SETBP1: variants seen among roughly 807,000 people sequenced by gnomAD.
The protein encoded by SETBP1 is SET-binding protein.
Under a neutral mutation model 101.0 loss-of-function variants are expected in SETBP1, and 9 were observed. The ratio of observed to expected loss-of-function variants is 0.09; its 90% CI spans 0.05 to 0.16. The LOEUF (loss-of-function observed/expected upper bound fraction) is 0.16, where lower values mean the gene tolerates loss of function less well. Ranked by LOEUF, SETBP1 falls within the 10% of genes least tolerant of loss-of-function variation. The pLI is 1.00. For missense variants in SETBP1, 1,858 were observed against 2,033.8 expected (o/e 0.91, Z 1.66); for synonymous variants, 818 against 788.5 (o/e 1.04, Z -0.63).
At chr18:45,024,037 A>G (rs1297544124) in intron 4 of SETBP1, among the ~76,000 whole-genome samples, 1 of 152,204 alleles carries the variant, frequency 6.6e-6, no homozygotes, top group East Asian at 1.9e-4. Context: ...TATAAGTGGC[A>G]TATTTCCCAA....
intron 4 of SETBP1, among the ~76,000 whole-genome samples, chr18:45,002,085 T>G (rs146690772): frequency 1.1e-4 from 16 of 152,128 alleles, no homozygotes; most frequent in African/African-American, 3.6e-4. Context: ...GATCTCTCTT[T>G]GAAAAAAACA....
chr18:44,961,612 A>G (rs532900316), intron 4 of SETBP1, among the ~76,000 whole-genome samples: 9 of 152,306 alleles, frequency 5.9e-5, no homozygotes, highest in African/African-American at 2.2e-4. Flanking sequence ...AGGAGCAGAA[A>G]CACAATGCCA....
intron 4 of SETBP1, among the ~76,000 whole-genome samples, chr18:44,976,574 C>G (rs993238884): frequency 6.6e-6 from 1 of 152,160 alleles, no homozygotes; most frequent in Admixed American, 6.5e-5. Context: ...GACCCAGGTA[C>G]ATGTCCTCAG....
chr18:44,876,590 T>C, intron 3 of SETBP1: 1 of 1,551,154 alleles, frequency 6.4e-7, no homozygotes, highest in Admixed American at 2.0e-5. Context: ...AAGGAGGAAG[T>C]CTGGAAGAGA....
At chr18:44,731,903 A>C (rs2069845654) in intron 2 of SETBP1, among the ~76,000 whole-genome samples, 1 of 152,224 alleles carries the variant, frequency 6.6e-6, no homozygotes, top group African/African-American at 2.4e-5. Flanking sequence ...AAGAAGCATC[A>C]TAGTAATTCT....
chr18:44,683,440 C>T (rs927851779), intron 1 of SETBP1, among the ~76,000 whole-genome samples: 24 of 152,124 alleles, frequency 1.6e-4, no homozygotes, highest in African/African-American at 5.3e-4. Flanking sequence ...CAGGATTTTG[C>T]TGAAGAAGAA....
intron 2 of SETBP1, among the ~76,000 whole-genome samples, chr18:44,814,912 G>A (rs1162700981): frequency 6.6e-6 from 1 of 152,174 alleles, no homozygotes; most frequent in Admixed American, 6.5e-5. Context: ...TGGAATTTGG[G>A]GTCCTTGAAT....
intron 2 of SETBP1, among the ~76,000 whole-genome samples, chr18:44,719,610 C>T (rs557132111): frequency 1.3e-5 from 2 of 152,330 alleles, no homozygotes; most frequent in South Asian, 4.1e-4. Context: ...AGGGGCTGCT[C>T]CAGTCTGGCC....
intron 2 of SETBP1, among the ~76,000 whole-genome samples, chr18:44,703,462 G>A (rs374060070): frequency 1.4e-5 from 2 of 138,216 alleles, no homozygotes; most frequent in Non-Finnish European, 3.0e-5. Context: ...CAGGGCTTGT[G>A]TCCATCCTTA....
At chr18:44,802,444 CA>C (rs1486249479) in intron 2 of SETBP1, among the ~76,000 whole-genome samples, 1 of 152,168 alleles carries the variant, frequency 6.6e-6, no homozygotes, top group Non-Finnish European at 1.5e-5. Flanking sequence ...GAATAAGCGA[CA>C]ACTTTGCTTA....
chr18:44,768,609 C>T (rs1046580340), intron 2 of SETBP1, among the ~76,000 whole-genome samples: 3 of 152,084 alleles, frequency 2.0e-5, no homozygotes, highest in African/African-American at 4.8e-5. Flanking sequence ...TGGTGATTAC[C>T]GGGTGTTTTG....
chr18:44,930,999 C>T (rs1342386735), intron 3 of SETBP1, among the ~76,000 whole-genome samples: 1 of 152,058 alleles, frequency 6.6e-6, no homozygotes, highest in Non-Finnish European at 1.5e-5. Context: ...TGTATTTGCT[C>T]TTGCTTCTCT....
intron 3 of SETBP1, among the ~76,000 whole-genome samples, chr18:44,872,567 A>G (rs2144697027): frequency 6.6e-6 from 1 of 152,356 alleles, no homozygotes; most frequent in East Asian, 1.9e-4. Flanking sequence ...TTGCAGGCTG[A>G]GATCTCCAGG....
intron 2 of SETBP1, among the ~76,000 whole-genome samples, chr18:44,735,764 A>G (rs1432841744): frequency 3.9e-5 from 6 of 152,238 alleles, no homozygotes; most frequent in Admixed American, 1.3e-4. Flanking sequence ...CTAGTAGTCC[A>G]TGACTTAACA....
chr18:45,011,918 T>C lies in SETBP1; in HGVS notation c.4001-26567T>C, dbSNP rs200391323. ...TACCTGGTAGCTCTTATTGCTGTGGTTGTCGATGATGTTGTTAGAAACTCT... is the reference window on the plus strand; with the variant it reads ...TACCTGGTAGCTCTTATTGCTGTGGCTGTCGATGATGTTGTTAGAAACTCT... On this transcript the variant is annotated intron_variant, in intron 4 of 5. Coordinates refer to ENST00000649279, the MANE Select transcript of SETBP1 (RefSeq NM_015559.3). Among the ~76,000 whole-genome samples, 15 of 152,254 alleles carry C rather than the reference T, an allele frequency of 9.9e-5. 1 individual carries two copies. In the East Asian group the frequency reaches 2.7e-3, roughly 27 times the overall value.
At chr18:44,765,386 C>G (rs2070745271) in intron 2 of SETBP1, among the ~76,000 whole-genome samples, 1 of 152,038 alleles carries the variant, frequency 6.6e-6, no homozygotes, top group African/African-American at 2.4e-5. Context: ...ATTGTTGTTT[C>G]CAGCTTTAAG....
In SETBP1 at chr18:44,947,492, CTTTTTTTT is replaced by C. The variant is rs58509226; in HGVS notation, c.541-2373_541-2366del. Among the ~76,000 whole-genome samples the C allele has an allele frequency of 1.5e-3, 167 of 114,216 alleles. 2 individuals carry two copies. In the South Asian group the frequency reaches 0.02, roughly 14 times the overall value. 74.9% of individuals were successfully genotyped at this position (114,216 alleles called of 152,430 possible). ...CAAAAGAATCACACCGTTTGTCCCA[CTTTTTTTT>C]TTTTTTTTTTTTTTTGAGACGGAGT... On this transcript the variant is annotated intron_variant, in intron 3 of 5. Transcript: ENST00000649279.
chr18:44,770,838 T>C (rs1311587332), intron 2 of SETBP1, among the ~76,000 whole-genome samples: 1 of 152,044 alleles, frequency 6.6e-6, no homozygotes, highest in Non-Finnish European at 1.5e-5. Context: ...CAGAAGGCAT[T>C]CTTGGAATCA....
chr18:45,057,779 G>A (rs2073833323), intron 5 of SETBP1, among the ~76,000 whole-genome samples: 1 of 152,184 alleles, frequency 6.6e-6, no homozygotes, highest in African/African-American at 2.4e-5. Flanking sequence ...AAGCTTTCTT[G>A]TAAAATAGAA....
Sources: allele counts gnomAD v4.1 joint callset (sites outside exome capture counted in the v4.1 genomes callset), GRCh38; gene constraint gnomAD v4.1.1; transcripts MANE v1.5; gene names NCBI Gene and HGNC (gene_info 2026-07-23, HGNC 2026-07-21).